PARP16: variants seen among roughly 807,000 people sequenced by gnomAD.
PARP16 encodes poly(ADP-ribose) polymerase family member 16, also known as protein mono-ADP-ribosyltransferase PARP16.
PARP16 carries 31 observed loss-of-function variants against 35.0 expected under a neutral mutation model. The ratio of observed to expected loss-of-function variants is 0.88; its 90% CI spans 0.66 to 1.19. The LOEUF (loss-of-function observed/expected upper bound fraction) is 1.19, where lower values mean the gene tolerates loss of function less well. Ranked by LOEUF, PARP16 falls within the 50% of genes most tolerant of loss-of-function variation. The pLI, the probability that PARP16 is intolerant of heterozygous loss-of-function variation, is 0.00. For missense variants in PARP16, 424 were observed against 411.2 expected (o/e 1.03, Z -0.27); for synonymous variants, 162 against 169.5 (o/e 0.96, Z 0.34).
intron 1 of PARP16, among the ~76,000 whole-genome samples, chr15:65,278,892 G>C (rs1006331566): frequency 6.6e-6 from 1 of 152,186 alleles, no homozygotes; most frequent in African/African-American, 2.4e-5. Flanking sequence ...TGGGACCACA[G>C]TGACACCCAG....
chr15:65,270,970 T>C lies in PARP16; in HGVS notation c.277A>G (p.Lys93Glu), dbSNP rs1459627947. 6.2e-7 allele frequency: 1 copy of C among 1,614,160 alleles called. No individual in the cohort carries two copies. Among genetic ancestry groups the C allele is most frequent in the Non-Finnish European group, 8.5e-7 (1 of 1,180,018 alleles). Residue 93 changes from lysine (K) to glutamate (E), a missense_variant, in exon 2 of 6, where the codon AAG (lysine) becomes GAG (glutamate). By Grantham distance (56) the Lys-to-Glu change is moderately conservative (BLOSUM62 1). Coordinates refer to ENST00000649807, the MANE Select transcript of PARP16 (RefSeq NM_001316943.2). Reference sequence around the variant, plus strand: ...CCTGCACTGTGGATTGTCAGGACCTTTGAGGATAAAATCCAGCTCACCAGG... The same window carrying C: ...CCTGCACTGTGGATTGTCAGGACCTCTGAGGATAAAATCCAGCTCACCAGG... ...WDLVSWILSS[K>E]VLTIHSAGKA... is the part of the protein sequence containing the mutation.
intron 1 of PARP16, among the ~76,000 whole-genome samples, chr15:65,276,273 C>T (rs1382550624): frequency 6.6e-6 from 1 of 152,202 alleles, no homozygotes; most frequent in East Asian, 1.9e-4. Flanking sequence ...TTAGCAGGGC[C>T]TTTTGGGAAC....
chr15:65,278,942 C>A (rs1465693319), intron 1 of PARP16, among the ~76,000 whole-genome samples: 1 of 152,056 alleles, frequency 6.6e-6, no homozygotes, highest in Non-Finnish European at 1.5e-5. Context: ...TAGAAGGCTG[C>A]TGAAATGAAG....
At chr15:65,273,047 A>AG (rs2140925950) in intron 1 of PARP16, among the ~76,000 whole-genome samples, 1 of 151,510 alleles carries the variant, frequency 6.6e-6, no homozygotes, top group East Asian at 1.9e-4. Flanking sequence ...TGGGAGGCTG[A>AG]GGGGGGCGGG....
chr15:65,250,338 G>A (rs1010826759), intron 2 of PARP16, among the ~76,000 whole-genome samples: 24 of 151,368 alleles, frequency 1.6e-4, no homozygotes, highest in African/African-American at 5.6e-4. Flanking sequence ...GGCTGGTCTC[G>A]AACTCCTGAC....
chr15:65,280,012 A>T (rs2090370978), intron 1 of PARP16, among the ~76,000 whole-genome samples: 1 of 152,070 alleles, frequency 6.6e-6, no homozygotes, highest in African/African-American at 2.4e-5. Flanking sequence ...TTTGTAGACC[A>T]GCTAGGCAAC....
downstream of PARP16, among the ~76,000 whole-genome samples, chr15:65,231,466 T>A (rs2088777858): frequency 6.6e-6 from 1 of 151,936 alleles, no homozygotes; most frequent in Admixed American, 6.6e-5. Context: ...TTTTTTTTTT[T>A]TTTGAGAGTT....
intron 1 of PARP16, among the ~76,000 whole-genome samples, chr15:65,276,267 C>T (rs932233482): frequency 2.0e-5 from 3 of 152,228 alleles, no homozygotes; most frequent in South Asian, 2.1e-4. Context: ...TGCATTTTAG[C>T]AGGGCCTTTT....
chr15:65,281,435 A>T (rs1159973361), intron 1 of PARP16, among the ~76,000 whole-genome samples: 1 of 152,188 alleles, frequency 6.6e-6, no homozygotes, highest in Non-Finnish European at 1.5e-5. Context: ...CATGCCTGTA[A>T]TCCCAGCAGT....
intron 3 of PARP16, among the ~76,000 whole-genome samples, chr15:65,239,397 A>G (rs1327060513): frequency 3.0e-5 from 4 of 133,200 alleles, no homozygotes; most frequent in Non-Finnish European, 6.3e-5. Context: ...ACTGCACGCT[A>G]GCCTGGCAAC....
rs145255909 is a variant in PARP16, at chr15:65,246,126, G to T, written c.*97+1991C>A. ...CTCTCCCTGCTTCTCTCAGGGCCTC[G>T]GCCACCCTGAGCTCACTTCCAGAGA... On this transcript the variant is annotated intron_variant and NMD_transcript_variant, in intron 3 of 3. Transcript: ENST00000559805. 3.0e-3 allele frequency among the ~76,000 whole-genome samples: 449 copies of T among 152,146 alleles called. 2 individuals are homozygous for T. The highest frequency in any genetic ancestry group is 9.9e-3 in the African/African-American group (411 of 41,502).
intron 1 of PARP16, among the ~76,000 whole-genome samples, chr15:65,276,111 C>T (rs571612923): frequency 3.8e-4 from 58 of 152,276 alleles, no homozygotes; most frequent in African/African-American, 1.3e-3. Flanking sequence ...CTGCATCCTG[C>T]CCTCCTTGCT....
At chr15:65,270,114 T>C (rs943724662) in intron 2 of PARP16, among the ~76,000 whole-genome samples, 1 of 152,198 alleles carries the variant, frequency 6.6e-6, no homozygotes, top group Admixed American at 6.5e-5. Context: ...GGCAGGAGCT[T>C]GTAAAATTGA....
In PARP16 at chr15:65,273,298, T is replaced by A. The variant is rs374257936; in HGVS notation, c.175-2226A>T. Among the ~76,000 whole-genome samples, 453 of 55,782 alleles carry A rather than the reference T, an allele frequency of 8.1e-3. 15 individuals carry two copies. The highest frequency in any genetic ancestry group is 0.041 in the East Asian group (33 of 796). 36.6% of individuals were successfully genotyped at this position (55,782 alleles called of 152,430 possible). A position where few individuals can be genotyped will look rare whatever the true frequency, so the allele number is the denominator to read the frequency against. ...TCTCAAAAAAAAAAAAAAAAAAGAATACCTGTGGTTCTTTTCCATTTTTCT... is the reference window on the plus strand; with the variant it reads ...TCTCAAAAAAAAAAAAAAAAAAGAAAACCTGTGGTTCTTTTCCATTTTTCT... On this transcript the variant is annotated intron_variant, in intron 1 of 5. Coordinates refer to ENST00000649807, the MANE Select transcript of PARP16 (RefSeq NM_001316943.2).
chr15:65,283,273 T>C (rs1391788294), intron 1 of PARP16, among the ~76,000 whole-genome samples: 1 of 148,852 alleles, frequency 6.7e-6, no homozygotes, highest in African/African-American at 2.5e-5. Flanking sequence ...CCCATCTCAA[T>C]TTTTTTTTTT....
chr15:65,239,452 A>AAAAAAAAAAAAAAAAAAGAG (rs34910178), intron 3 of PARP16, among the ~76,000 whole-genome samples: 1 of 113,038 alleles, frequency 8.8e-6, no homozygotes, highest in Non-Finnish European at 1.9e-5. Flanking sequence ...AAAAAAAAAA[A>AAAAAAAAAAAAAAAAAAGAG]AGAGAGAAAA....
chr15:65,239,442 AAAAAAAAAAAAG>A (rs2088978987), intron 3 of PARP16, among the ~76,000 whole-genome samples: 1 of 144,100 alleles, frequency 6.9e-6, no homozygotes, highest in East Asian at 2.0e-4. Flanking sequence ...AAAAAAAAAA[AAAAAAAAAAAAG>A]AGAGAAAAGA....
At chr15:65,285,438 C>T in intron 1 of PARP16, 1 of 298,908 alleles carries the variant, frequency 3.3e-6, no homozygotes, top group Non-Finnish European at 6.7e-6. Context: ...CGAGCCTGGC[C>T]CCTCCAAGTT....
downstream of PARP16, among the ~76,000 whole-genome samples, chr15:65,233,004 A>G (rs1329060456): frequency 1.3e-5 from 2 of 152,156 alleles, no homozygotes; most frequent in African/African-American, 4.8e-5. Context: ...ATAAAAAATT[A>G]AAAAGTTTAA....
Sources: gnomAD v4.1 joint callset for allele counts (sites outside exome capture counted in the v4.1 genomes callset) on GRCh38, gnomAD v4.1.1 for gene constraint, MANE v1.5 for transcripts, NCBI Gene and HGNC (gene_info 2026-07-23, HGNC 2026-07-21) for gene names.